The following TNC variants were observed in gnomAD, a reference collection of about 807,000 sequenced individuals.
TNC encodes the protein tenascin C.
TNC carries 109 observed loss-of-function variants against 202.4 expected under a neutral mutation model. That is an observed-to-expected ratio of 0.54 (90% CI 0.46 to 0.63). The LOEUF is 0.63. TNC is among the 30% of genes least tolerant of loss of function. TNC has a pLI of 0.00. For synonymous variants in TNC, 1,007 were observed against 1,089.7 expected, an observed-to-expected ratio of 0.92 and a Z score of 1.50; for missense variants, 2,756 against 2,833.3, an observed-to-expected ratio of 0.97 and a Z score of 0.62.
At chr9:115,073,064 G>C (rs761085795) in intron 10 of TNC, among the ~76,000 whole-genome samples, 2 of 152,118 alleles carry the variant, frequency 1.3e-5, no homozygotes, top group Non-Finnish European at 2.9e-5. Flanking sequence ...AGAGAAAAGA[G>C]AAAATGAGAG....
rs889070185 is a variant in TNC at position 115,078,282 on chromosome 9, C to T, written c.2405-70G>A. On this transcript the variant is annotated intron_variant, in intron 6 of 27. Transcript: ENST00000350763. ...TGCCTGAGGCTTAGCAGAGAGAGGA[C>T]TTTGTAACTCTCCAGACCTGTGGGT... 2.0e-6 allele frequency: 3 copies of T among 1,499,532 alleles called. No homozygotes were observed. In the African/African-American group the frequency reaches 4.2e-5, roughly 21 times the overall value. 92.9% of individuals were successfully genotyped at this position (1,499,532 alleles called of 1,614,324 possible).
chr9:115,059,951 C>G lies in TNC; in HGVS notation c.4085G>C (p.Gly1362Ala), dbSNP rs1250295552. Residue 1362 changes from glycine to alanine, a missense_variant, in exon 14 of 28, where the codon GGC (glycine) becomes GCC (alanine). Gly to Ala is a moderately conservative substitution (Grantham distance 60). Around this residue, in one of 2 missense-constraint regions of TNC, gnomAD observed 2,559 missense variants for 2,546.0 expected, o/e 1.01. Coordinates refer to ENST00000350763, the MANE Select transcript of TNC (RefSeq NM_002160.4). ...DLAVSEVGWD[G>A]LRLNWTAADN... ...AGCTGCGGTCCAGTTGAGTCTGAGGCCATCCCAGCCAACCTCAGACACGGC... is the reference window on the plus strand; with the variant it reads ...AGCTGCGGTCCAGTTGAGTCTGAGGGCATCCCAGCCAACCTCAGACACGGC... 6.2e-7 allele frequency: 1 copy of G among 1,613,944 alleles called. No homozygotes were observed. Among genetic ancestry groups the G allele is most frequent in the Non-Finnish European group, 8.5e-7 (1 of 1,179,990 alleles).
intron 1 of TNC, among the ~76,000 whole-genome samples, chr9:115,116,756 C>G (rs922326621): frequency 2.6e-5 from 4 of 152,148 alleles, no homozygotes; most frequent in African/African-American, 7.2e-5. Flanking sequence ...ACATTAACTT[C>G]CAGCCCCGGG....
chr9:115,042,286 A>G lies in TNC; in HGVS notation c.5181T>C (p.Thr1727=). The G allele has an allele frequency of 1.2e-6, 2 of 1,614,136 alleles. No homozygotes were observed. The highest frequency in any genetic ancestry group is 1.7e-6 in the Non-Finnish European group (2 of 1,179,980). ...IFSDITENSA[T]VSWRAPTAQV... ...GGGCTGTGGGTGCCCTCCAGCTGAC[A>G]GTAGCCGAATTTTCAGTGATGTCTG... The change falls in exon 18 of 28, where the codon ACT becomes ACC. Residue 1727 remains threonine, a synonymous_variant. Transcript: ENST00000350763.
chr9:115,059,678 A>C, intron 14 of TNC, 52 bp downstream of exon 14: 4 of 1,517,874 alleles, frequency 2.6e-6, no homozygotes, highest in Non-Finnish European at 2.7e-6. Flanking sequence ...TGATCTCTTG[A>C]AAAGGAAGCA....
At chr9:115,074,174 A>C (rs1402919567) in intron 9 of TNC, among the ~76,000 whole-genome samples, 2 of 152,244 alleles carry the variant, frequency 1.3e-5, no homozygotes, top group Non-Finnish European at 2.9e-5. Context: ...GAAGCAATTT[A>C]GATGAATCTC....
At chr9:115,077,847 T>C (rs1474598906) in intron 7 of TNC, 96 bp downstream of exon 7, 18 of 1,314,774 alleles carry the variant, frequency 1.4e-5, no homozygotes, top group East Asian at 2.3e-5. Context: ...TTTTTCGTAC[T>C]GTAAAATGAG....
Position 115,020,692 on chromosome 9 carries a change from T to G in TNC, c.*465A>C, listed in dbSNP as rs1273295572. On this transcript the variant is annotated 3_prime_UTR_variant, in exon 28 of 28. Transcript: ENST00000350763. ...AATCATATCCTTAAAATGGAAACAG[T>G]ATTGCTTTTCTGGTTTCTGTTGTAT... 2.9e-6 allele frequency: 1 copy of G among 339,148 alleles called. No individual in the cohort carries two copies. Among genetic ancestry groups the G allele is most frequent in the Non-Finnish European group, 5.8e-6 (1 of 172,444 alleles). 21.0% of individuals were successfully genotyped at this position (339,148 alleles called of 1,614,324 possible).
intron 10 of TNC, among the ~76,000 whole-genome samples, chr9:115,067,304 C>T (rs1398199085): frequency 1.3e-5 from 2 of 152,120 alleles, no homozygotes; most frequent in East Asian, 1.9e-4. Context: ...ATTAAATCAA[C>T]CCTATGTCTT....
intron 1 of TNC, among the ~76,000 whole-genome samples, chr9:115,102,911 C>A (rs558623716): frequency 1.3e-5 from 2 of 152,310 alleles, no homozygotes; most frequent in African/African-American, 4.8e-5. Flanking sequence ...TTACACATAG[C>A]AGGTTCTTAT....
intron 19 of TNC, 58 bp downstream of exon 19, chr9:115,040,883 A>G: frequency 6.5e-7 from 1 of 1,540,230 alleles, no homozygotes; most frequent in Non-Finnish European, 8.8e-7. Context: ...CATAGGATGC[A>G]CAAGTGACCT....
chr9:115,050,281 G>T (rs369470737), intron 15 of TNC, among the ~76,000 whole-genome samples: 1 of 152,036 alleles, frequency 6.6e-6, no homozygotes, highest in Admixed American at 6.6e-5. Context: ...CTTTTAAAAC[G>T]CAATCTTTTC....
chr9:115,038,222 C>A (rs755849331), intron 20 of TNC, 39 bp downstream of exon 20: 1 of 1,595,646 alleles, frequency 6.3e-7, no homozygotes, highest in Non-Finnish European at 8.6e-7. Context: ...GCAGGAAAGA[C>A]ACTCCTTAGA....
chr9:115,036,364 A>G, intron 20 of TNC, 123 bp from the exon 21 acceptor site: 2 of 1,111,840 alleles, frequency 1.8e-6, no homozygotes, highest in South Asian at 1.4e-5. Context: ...GCGGAAAAGC[A>G]GGTCTGATTT....
chr9:115,110,878 ATTT>A (rs71375271), intron 1 of TNC, among the ~76,000 whole-genome samples: 26 of 117,104 alleles, frequency 2.2e-4, no homozygotes, highest in Admixed American at 1.8e-4. Flanking sequence ...GGCTGCCAGA[ATTT>A]TTTTTTTTTT....
chr9:115,085,177 A>C (rs1166198043), intron 3 of TNC, among the ~76,000 whole-genome samples: 3 of 152,162 alleles, frequency 2.0e-5, no homozygotes, highest in African/African-American at 7.2e-5. Flanking sequence ...TAAGCACTTA[A>C]TATGTACCAG....
rs192788564 is a variant in TNC at position 115,044,088 on chromosome 9, A to G, written c.5126-1747T>C. Among the ~76,000 whole-genome samples, 718 of 152,132 alleles carry G rather than the reference A, an allele frequency of 4.7e-3. 5 individuals carry two copies. The highest frequency in any genetic ancestry group is 0.016 in the African/African-American group (679 of 41,502). The stretch of plus-strand genomic sequence containing the variant: ...TAACCACCAGGCAACACTGTCTCCC[A>G]CTGCCCTTTCTACTGCCCTGGGCAC... On this transcript the variant is annotated intron_variant, in intron 17 of 27. Coordinates refer to ENST00000350763, the MANE Select transcript of TNC (RefSeq NM_002160.4).
In TNC at chr9:115,084,456, G is replaced by A. The variant is rs1355284829; in HGVS notation, c.1884C>T (p.Asp628=). The A allele has an allele frequency of 6.2e-7, 1 of 1,614,118 alleles. No homozygotes were observed. Among genetic ancestry groups the A allele is most frequent in the Admixed American group, 1.7e-5 (1 of 60,018 alleles). ...CTTCCGTCACTTCTGTCACAACGAG[G>A]TCTTTGGGAGGAGACACTGGCAGGA... ...EDCSEVSPPK[D]LVVTEVTEET... Residue 628 remains aspartate (D), a synonymous_variant, in exon 4 of 28, where the codon GAC becomes GAT. Transcript: ENST00000350763.
intron 10 of TNC, among the ~76,000 whole-genome samples, chr9:115,070,976 T>C (rs974313906): frequency 6.6e-6 from 1 of 152,240 alleles, no homozygotes; most frequent in Non-Finnish European, 1.5e-5. Flanking sequence ...CCTGATTCTC[T>C]GAAGTTAGAT....
Sources: gnomAD v4.1 joint callset for allele counts (sites outside exome capture counted in the v4.1 genomes callset) on GRCh38, gnomAD v4.1.1 for gene constraint, gnomAD v4.1.1 regional missense constraint, MANE v1.5 for transcripts, NCBI Gene and HGNC (gene_info 2026-07-23, HGNC 2026-07-21) for gene names.